CDH13: variants seen among roughly 807,000 people sequenced by gnomAD.
CDH13 encodes the protein cadherin 13.
Under a neutral mutation model 63.8 loss-of-function variants are expected in CDH13, and 24 were observed. That is an observed-to-expected ratio of 0.38 (90% CI 0.27 to 0.53). CDH13 has a LOEUF of 0.53. CDH13 is among the 20% of genes least tolerant of loss of function. The probability of loss-of-function intolerance (pLI) is 0.85; values close to 1 mark genes in which losing one functional copy is unlikely to be tolerated. For synonymous variants in CDH13, 503 were observed against 355.3 expected (o/e 1.42, Z -4.67); for missense variants, 1,049 against 903.1 (o/e 1.16, Z -2.07).
At chr16:82,959,763 G>A (rs1177354584) in intron 2 of CDH13, among the ~76,000 whole-genome samples, 2 of 152,176 alleles carry the variant, frequency 1.3e-5, no homozygotes, top group African/African-American at 4.8e-5. Context: ...GTACTGCGTG[G>A]CATGGATGTA....
chr16:82,891,894 G>A (rs1191036126), intron 2 of CDH13, among the ~76,000 whole-genome samples: 1 of 152,132 alleles, frequency 6.6e-6, no homozygotes, highest in Non-Finnish European at 1.5e-5. Flanking sequence ...GATACTGCTG[G>A]TCACGTGTCC....
chr16:83,036,726 C>T (rs1014060592), intron 3 of CDH13, among the ~76,000 whole-genome samples: 3 of 152,132 alleles, frequency 2.0e-5, no homozygotes, highest in Admixed American at 6.6e-5. Context: ...TGTTCTGCTT[C>T]TTCCCAGCCC....
At chr16:83,623,008 G>A (rs1193298412) in intron 8 of CDH13, among the ~76,000 whole-genome samples, 1 of 152,224 alleles carries the variant, frequency 6.6e-6, no homozygotes, top group Non-Finnish European at 1.5e-5. Flanking sequence ...TTGGGAACAT[G>A]ACCTAAGGGA....
intron 6 of CDH13, among the ~76,000 whole-genome samples, chr16:83,459,468 G>A (rs554204319): frequency 6.6e-5 from 10 of 152,252 alleles, no homozygotes; most frequent in African/African-American, 2.4e-4. Context: ...TTTCTCCATG[G>A]ACTTTAATTA....
chr16:83,170,206 C>T (rs1473399115), intron 4 of CDH13, among the ~76,000 whole-genome samples: 1 of 152,096 alleles, frequency 6.6e-6, no homozygotes, highest in Non-Finnish European at 1.5e-5. Flanking sequence ...ATAAACCCTT[C>T]TAAAATACAC....
chr16:82,997,944 T>C (rs1057497098), intron 2 of CDH13, among the ~76,000 whole-genome samples: 3 of 152,206 alleles, frequency 2.0e-5, no homozygotes, highest in African/African-American at 7.2e-5. Context: ...AAGTCACTCA[T>C]ATAAATAATA....
At position 82,888,509 on chromosome 16, in the gene CDH13, C is replaced by G. The variant is rs569255270; in HGVS notation, c.157+30036C>G. 2.0e-5 allele frequency among the ~76,000 whole-genome samples: 3 copies of G among 152,314 alleles called. No individual in the cohort carries two copies. In the East Asian group the frequency reaches 5.8e-4, roughly 29 times the overall value. ...GCTGCCTCTGGCAGCCACTTCTGCT[C>G]CCCCACAGCATCTCCTGGTCGCCTG... is the stretch of plus-strand genomic sequence containing the variant. On this transcript the variant is annotated intron_variant, in intron 2 of 13. Coordinates refer to ENST00000567109, the MANE Select transcript of CDH13 (RefSeq NM_001257.5).
At chr16:82,766,215 T>C (rs1212275087) in intron 1 of CDH13, among the ~76,000 whole-genome samples, 1 of 152,236 alleles carries the variant, frequency 6.6e-6, no homozygotes, top group Admixed American at 6.5e-5. Context: ...ATGTCTAGCG[T>C]AACTTCTTTT....
chr16:83,463,333 T>C (rs1235250501), intron 6 of CDH13, among the ~76,000 whole-genome samples: 1 of 152,154 alleles, frequency 6.6e-6, no homozygotes, highest in African/African-American at 2.4e-5. Flanking sequence ...TAAAAACAGT[T>C]CATTTCTTCC....
intron 5 of CDH13, among the ~76,000 whole-genome samples, chr16:83,252,370 A>G (rs1905683044): frequency 6.6e-6 from 1 of 151,752 alleles, no homozygotes; most frequent in Non-Finnish European, 1.5e-5. Flanking sequence ...GTTATGGTTA[A>G]TATAATCATG....
intron 5 of CDH13, among the ~76,000 whole-genome samples, chr16:83,243,078 C>G (rs1904626791): frequency 6.6e-6 from 1 of 152,114 alleles, no homozygotes; most frequent in African/African-American, 2.4e-5. Flanking sequence ...TTGGTACAGC[C>G]AGGACTGGAA....
At chr16:82,955,229 T>C (rs1383666890) in intron 2 of CDH13, among the ~76,000 whole-genome samples, 2 of 152,222 alleles carry the variant, frequency 1.3e-5, no homozygotes, top group Non-Finnish European at 2.9e-5. Context: ...TTGATGATTT[T>C]AATTTGCTGT....
intron 10 of CDH13, among the ~76,000 whole-genome samples, chr16:83,728,208 T>C (rs1622321): frequency 0.78 from 119,216 of 151,980 alleles, 47,302 homozygotes; most frequent in African/African-American, 0.85. Flanking sequence ...GGTTTAAGTC[T>C]TTGATGTGCA....
chr16:83,373,414 C>T (rs2091407359), intron 6 of CDH13, among the ~76,000 whole-genome samples: 1 of 152,058 alleles, frequency 6.6e-6, no homozygotes, highest in Non-Finnish European at 1.5e-5. Flanking sequence ...TAAGCTGAGT[C>T]TTGAAGGAAT....
intron 1 of CDH13, chr16:82,705,341 C>T (rs1210184113): frequency 2.8e-6 from 1 of 354,762 alleles, no homozygotes. Context: ...AAGGGATGCC[C>T]AGAGATATAA....
chr16:83,134,765 C>T (rs569154337), intron 4 of CDH13, among the ~76,000 whole-genome samples: 74 of 152,220 alleles, frequency 4.9e-4, no homozygotes, highest in Non-Finnish European at 9.8e-4. Flanking sequence ...AAGTGTTGCC[C>T]TCCTGCAAAT....
chr16:83,730,672 T>C (rs192376992), intron 10 of CDH13, among the ~76,000 whole-genome samples: 70 of 152,374 alleles, frequency 4.6e-4, no homozygotes, highest in African/African-American at 1.6e-3. Context: ...TTGTGGTTTT[T>C]TTGAGCTTTT....
chr16:83,294,704 A>G (rs558966209), intron 5 of CDH13, among the ~76,000 whole-genome samples: 4 of 152,244 alleles, frequency 2.6e-5, no homozygotes, highest in African/African-American at 7.2e-5. Context: ...ACTGAAAACT[A>G]TAAAACACTG....
chr16:82,751,377 T>C (rs1053954347), intron 1 of CDH13, among the ~76,000 whole-genome samples: 3 of 152,158 alleles, frequency 2.0e-5, no homozygotes, highest in African/African-American at 7.2e-5. Context: ...GCTTGGAGCC[T>C]CACTTCACAG....
Sources: allele counts gnomAD v4.1 joint callset (sites outside exome capture counted in the v4.1 genomes callset), GRCh38; gene constraint gnomAD v4.1.1; transcripts MANE v1.5; gene names NCBI Gene and HGNC (gene_info 2026-07-23, HGNC 2026-07-21).